GPD2: variants seen among roughly 807,000 people sequenced by gnomAD.
GPD2 encodes glycerol-3-phosphate dehydrogenase 2.
In GPD2, 54 loss-of-function variants were observed where a neutral mutation model predicts 82.4. The observed-to-expected ratio is 0.66, with a 90% CI of 0.53 to 0.82. The LOEUF is 0.82. GPD2 is among the 40% of genes least tolerant of loss of function. The pLI, the probability that GPD2 is intolerant of heterozygous loss-of-function variation, is 0.00. For synonymous variants in GPD2, 288 were observed against 306.1 expected (o/e 0.94, Z 0.62); for missense variants, 748 against 896.2 (o/e 0.83, Z 2.11).
intron 1 of GPD2, among the ~76,000 whole-genome samples, chr2:156,470,293 C>T (rs1483255337): frequency 1.3e-5 from 2 of 152,026 alleles, no homozygotes; most frequent in East Asian, 1.9e-4. Flanking sequence ...CTCCTGGGCA[C>T]ACATGATTCC....
chr2:156,460,288 G>A (rs547402431), intron 1 of GPD2, among the ~76,000 whole-genome samples: 2 of 152,304 alleles, frequency 1.3e-5, no homozygotes, highest in Admixed American at 6.5e-5. Flanking sequence ...CTCAGTCAGA[G>A]TGTTCCTTGA....
the GPD2 span, among the ~76,000 whole-genome samples, chr2:156,411,994 G>A: frequency 6.6e-6 from 1 of 152,184 alleles, no homozygotes; most frequent in Non-Finnish European, 1.5e-5. Context: ...GAGCAAAAGT[G>A]CTTGGCCACC....
Position 156,557,414 on chromosome 2 carries a change from C to T in GPD2, c.997C>T (p.Pro333Ser). ...YSPESMGLLD[P>S]ATSDGRVIFF... ...CCCAGAGAGCATGGGACTTCTTGAC[C>T]CAGCGACCAGTGATGGGCGAGTTAT... is the stretch of plus-strand genomic sequence containing the variant. Residue 333 changes from proline to serine, a missense_variant, in exon 9 of 17, where the codon CCA (proline) becomes TCA (serine). By Grantham distance (74) the Pro-to-Ser change is moderately conservative. Coordinates refer to ENST00000438166, the MANE Select transcript of GPD2 (RefSeq NM_000408.5). 6.2e-7 allele frequency: 1 copy of T among 1,609,062 alleles called. No homozygotes were observed. Among genetic ancestry groups the T allele is most frequent in the Non-Finnish European group, 8.5e-7 (1 of 1,175,820 alleles).
intron 1 of GPD2, among the ~76,000 whole-genome samples, chr2:156,448,799 A>T (rs549532008): frequency 6.6e-6 from 1 of 152,370 alleles, no homozygotes; most frequent in Admixed American, 6.5e-5. Flanking sequence ...GGCTGCTGTA[A>T]CAAATGACCA....
chr2:156,572,378 T>C (rs921247885), intron 13 of GPD2, among the ~76,000 whole-genome samples: 6 of 152,106 alleles, frequency 3.9e-5, no homozygotes, highest in Non-Finnish European at 5.9e-5. Context: ...TGTGTTGAAG[T>C]GAATTCAACC....
chr2:156,458,091 G>T (rs1682848566), intron 1 of GPD2, among the ~76,000 whole-genome samples: 1 of 152,174 alleles, frequency 6.6e-6, no homozygotes, highest in East Asian at 1.9e-4. Flanking sequence ...GAGGACAGCA[G>T]CCTAGGACTA....
At chr2:156,505,808 G>C (rs1573940393) in intron 3 of GPD2, among the ~76,000 whole-genome samples, 2 of 152,146 alleles carry the variant, frequency 1.3e-5, no homozygotes. Context: ...TTCACTATCT[G>C]AGAAGATAAA....
At position 156,513,315 on chromosome 2, in the gene GPD2, C is replaced by A. The variant is rs201489173; in HGVS notation, c.498-18C>A. 1 of 1,577,744 alleles carries A rather than the reference C, an allele frequency of 6.3e-7. No homozygotes were observed. The highest frequency in any genetic ancestry group is 8.7e-7 in the Non-Finnish European group (1 of 1,148,896). ...ATACTCTGTTTCTGAAGAACTTTCC[C>A]CCCTATTTATGCTGTAGGTGGTGGC... is the stretch of plus-strand genomic sequence containing the variant. On this transcript the variant is annotated intron_variant, in intron 5 of 16. Transcript: ENST00000438166.
At chr2:156,465,841 T>C (rs1683134747) in intron 1 of GPD2, among the ~76,000 whole-genome samples, 1 of 152,210 alleles carries the variant, frequency 6.6e-6, no homozygotes, top group African/African-American at 2.4e-5. Flanking sequence ...TGAACTTCTT[T>C]TGAATGTTAT....
chr2:156,439,110 C>CT (rs1399100680), intron 1 of GPD2, among the ~76,000 whole-genome samples: 1 of 152,178 alleles, frequency 6.6e-6, no homozygotes, highest in African/African-American at 2.4e-5. Flanking sequence ...CCAACATAAT[C>CT]TTGTACTTTC....
chr2:156,498,442 A>G (rs1684465545), intron 3 of GPD2, among the ~76,000 whole-genome samples: 1 of 152,216 alleles, frequency 6.6e-6, no homozygotes, highest in South Asian at 2.1e-4. Context: ...GTAACATTTT[A>G]ATAGGCAAAC....
chr2:156,428,659 A>C, the GPD2 span, among the ~76,000 whole-genome samples: 1 of 152,232 alleles, frequency 6.6e-6, no homozygotes, highest in Non-Finnish European at 1.5e-5. Flanking sequence ...GAATTTTTAA[A>C]TAATACACTT....
At chr2:156,422,005 T>G in the GPD2 span, among the ~76,000 whole-genome samples, 1 of 152,160 alleles carries the variant, frequency 6.6e-6, no homozygotes, top group Non-Finnish European at 1.5e-5. Context: ...TGCATACCTG[T>G]GGTCCCAGCT....
At chr2:156,535,192 C>T (rs949434835) in intron 6 of GPD2, among the ~76,000 whole-genome samples, 1 of 151,742 alleles carries the variant, frequency 6.6e-6, no homozygotes, top group Non-Finnish European at 1.5e-5. Flanking sequence ...GCATTTGATA[C>T]AGGTACTCAG....
chr2:156,514,848 G>T (rs1343908028), intron 6 of GPD2, among the ~76,000 whole-genome samples: 2 of 152,066 alleles, frequency 1.3e-5, no homozygotes, highest in African/African-American at 4.8e-5. Context: ...CTGTGAATTT[G>T]CTTTCTCTGC....
At chr2:156,509,814 C>T (rs1250109949) in intron 3 of GPD2, among the ~76,000 whole-genome samples, 1 of 141,520 alleles carries the variant, frequency 7.1e-6, no homozygotes. Flanking sequence ...CACCCTGTCA[C>T]CCAGGCTGGA....
intron 6 of GPD2, among the ~76,000 whole-genome samples, chr2:156,544,809 A>G (rs1573984430): frequency 1.3e-5 from 2 of 152,190 alleles, no homozygotes. Context: ...AGCCATGTTA[A>G]TGACACAACC....
At chr2:156,411,199 G>C in the GPD2 span, among the ~76,000 whole-genome samples, 5 of 152,146 alleles carry the variant, frequency 3.3e-5, no homozygotes, top group Non-Finnish European at 5.9e-5. Flanking sequence ...GTAGAAGGCT[G>C]GAATTCTGAC....
intron 2 of GPD2, among the ~76,000 whole-genome samples, chr2:156,490,528 C>G (rs1469443055): frequency 6.6e-6 from 1 of 151,932 alleles, no homozygotes; most frequent in Non-Finnish European, 1.5e-5. Flanking sequence ...AAAACTATAC[C>G]AAACAAACTA....
Sources: gnomAD v4.1 joint callset for allele counts (sites outside exome capture counted in the v4.1 genomes callset) on GRCh38, gnomAD v4.1.1 for gene constraint, MANE v1.5 for transcripts, NCBI Gene and HGNC (gene_info 2026-07-23, HGNC 2026-07-21) for gene names.